The following ADGRF3 variants were observed in gnomAD, a reference collection of about 807,000 sequenced individuals.
ADGRF3 encodes the protein adhesion G protein-coupled receptor F3.
Under a neutral mutation model 93.2 loss-of-function variants are expected in ADGRF3, and 85 were observed. The observed-to-expected ratio is 0.91, with a 90% CI of 0.77 to 1.09. The LOEUF (loss-of-function observed/expected upper bound fraction) is 1.09. Among genes scored for constraint, ADGRF3 ranks in the 50% least tolerant of loss-of-function variants. ADGRF3 has a pLI of 0.00. For synonymous variants in ADGRF3, 534 were observed against 532.5 expected, an observed-to-expected ratio of 1.00 and a Z score of -0.04; for missense variants, 1,125 against 1,246.2, an observed-to-expected ratio of 0.90 and a Z score of 1.46.
chr2:26,326,801 C>G (rs35667676), intron 1 of ADGRF3, among the ~76,000 whole-genome samples: 57,160 of 151,912 alleles, frequency 0.38, 12,028 homozygotes, highest in Non-Finnish European at 0.48. Context: ...GAGATGGAGT[C>G]TCTCTCTGTC....
At position 26,311,644 on chromosome 2, in the gene ADGRF3, C is replaced by T. The variant is rs148160413; in HGVS notation, c.1880G>A (p.Arg627Gln). Residue 627 changes from arginine to glutamine, a missense_variant, in exon 10 of 14, where the codon CGG becomes CAG. Arg to Gln is a conservative substitution (Grantham distance 43, BLOSUM62 1). Transcript: ENST00000651242. ...GATGACCTCTCCCTGGCTGAAGGCCCGGTCACCTGCCATGATGGAAATGAC... is the reference window on the plus strand; with the variant it reads ...GATGACCTCTCCCTGGCTGAAGGCCTGGTCACCTGCCATGATGGAAATGAC... ...VLVISIMAGD[R>Q]AFSQGEVIMD... 1.4e-4 allele frequency: 222 copies of T among 1,613,310 alleles called. No homozygotes were observed. In the African/African-American group the frequency reaches 2.3e-3, roughly 17 times the overall value.
chr2:26,328,770 C>T (rs1675596116), intron 1 of ADGRF3, among the ~76,000 whole-genome samples: 1 of 152,180 alleles, frequency 6.6e-6, no homozygotes, highest in Non-Finnish European at 1.5e-5. Context: ...AGTATTTTAT[C>T]CACAGATCCC....
chr2:26,315,900 T>C (rs1490184232), intron 4 of ADGRF3, 160 bp from the exon 5 acceptor site: 1 of 1,097,542 alleles, frequency 9.1e-7, no homozygotes, highest in Non-Finnish European at 1.3e-6. Context: ...CACCTGAATG[T>C]GGCTGCTGCA....
Position 26,311,189 on chromosome 2 carries a change from G to A in ADGRF3, c.2335C>T (p.Leu779Phe), listed in dbSNP as rs1351882650. ...GTGGCCAGGTAGAGGAAATGACAGA[G>A]GAAGGCGGCAGCAAGGCAGAGCGGG... ...RSPLCLAAAFLCHFLYLATFF... is the reference protein window; with the variant it reads ...RSPLCLAAAFFCHFLYLATFF... Residue 779 changes from leucine (L) to phenylalanine (F), a missense_variant, in exon 10 of 14, where the codon CTC becomes TTC. By Grantham distance (22) the Leu-to-Phe change is conservative. Coordinates refer to ENST00000651242, the MANE Select transcript of ADGRF3 (RefSeq NM_001321971.2). 6.3e-7 allele frequency: 1 copy of A among 1,599,956 alleles called. No individual in the cohort carries two copies. Among genetic ancestry groups the A allele is most frequent in the Admixed American group, 1.8e-5 (1 of 57,138 alleles).
rs1298700170 is a variant in ADGRF3, at chr2:26,311,008, G to A, written c.2516C>T (p.Pro839Leu). ...LAGVTLGLYL[P>L]QGQYLREGEC... is the part of the protein sequence containing the mutation. The stretch of plus-strand genomic sequence containing the variant: ...CCCCTCCCTCAGGTATTGCCCTTGA[G>A]GTAGGTAGAGCCCCAGGGTGACACC... The change falls in exon 10 of 14, where the codon CCT (proline) becomes CTT (leucine). Residue 839 changes from proline (P) to leucine (L), a missense_variant. Transcript: ENST00000651242. The A allele has an allele frequency of 6.2e-7, 1 of 1,612,966 alleles. No homozygotes were observed. The highest frequency in any genetic ancestry group is 2.2e-5 in the East Asian group (1 of 44,808).
At chr2:26,322,067 G>A (rs1675180525) in intron 1 of ADGRF3, among the ~76,000 whole-genome samples, 1 of 151,548 alleles carries the variant, frequency 6.6e-6, no homozygotes, top group Non-Finnish European at 1.5e-5. Flanking sequence ...GGCAGATCAT[G>A]AGGTCAGGAG....
In ADGRF3 at chr2:26,311,713, T is replaced by C. The variant is rs1174215205; in HGVS notation, c.1811A>G (p.Gln604Arg). 4 of 1,613,458 alleles carry C rather than the reference T, an allele frequency of 2.5e-6. No individual in the cohort carries two copies. The highest frequency in any genetic ancestry group is 3.4e-6 in the Non-Finnish European group (4 of 1,179,712). ...LDHLLPSNYG[Q>R]GLGDSLYATP... ...GGCATAGAGGGAATCCCCCAGCCCT[T>C]GTCCATAGTTTGAGGGCAGAAGGTG... Residue 604 changes from glutamine (Q) to arginine (R), a missense_variant, in exon 10 of 14, where the codon CAA becomes CGA. Transcript: ENST00000651242.
chr2:26,335,000 G>A (rs531365514), intron 1 of ADGRF3, among the ~76,000 whole-genome samples: 1 of 152,030 alleles, frequency 6.6e-6, no homozygotes, highest in African/African-American at 2.4e-5. Context: ...CCTCCCTCAC[G>A]ATGTGCTTTT....
chr2:26,342,234 C>T (rs960903528), intron 1 of ADGRF3, among the ~76,000 whole-genome samples: 1 of 152,134 alleles, frequency 6.6e-6, no homozygotes. Flanking sequence ...TATTGTTCCA[C>T]TCTATACAAT....
rs1212161179 is a variant in ADGRF3 at position 26,317,027 on chromosome 2, A to G, written c.210T>C (p.His70=). The change falls in exon 3 of 14, where the codon CAT becomes CAC. Residue 70 remains histidine, a synonymous_variant. Coordinates refer to ENST00000651242, the MANE Select transcript of ADGRF3 (RefSeq NM_001321971.2). ...GESALVSVYV[H]LDFPDKTWPP... is the part of the protein sequence containing the mutation. ...GCCAGGTCTTATCTGGAAAGTCCAG[A>G]TGTACATAGACGGAGACCAGCGCTG... is the stretch of plus-strand genomic sequence containing the variant. The G allele has an allele frequency of 3.1e-6, 5 of 1,612,684 alleles. No individual in the cohort carries two copies. Among genetic ancestry groups the G allele is most frequent in the Non-Finnish European group, 3.4e-6 (4 of 1,179,458 alleles).
At chr2:26,323,459 G>A (rs2147898730) in intron 1 of ADGRF3, among the ~76,000 whole-genome samples, 1 of 152,232 alleles carries the variant, frequency 6.6e-6, no homozygotes, top group South Asian at 2.1e-4. Flanking sequence ...AGTAAGCAGT[G>A]CTCCCTTATT....
At position 26,310,914 on chromosome 2, in the gene ADGRF3, G is replaced by T; in HGVS notation, c.2610C>A (p.Gly870=). 1 of 1,612,902 alleles carries T rather than the reference G, an allele frequency of 6.2e-7. No individual in the cohort carries two copies. Among genetic ancestry groups the T allele is most frequent in the South Asian group, 1.1e-5 (1 of 90,946 alleles). The change falls in exon 10 of 14, where the codon GGC becomes GGA. Residue 870 remains glycine (G), a synonymous_variant. Transcript: ENST00000651242. ...TFVGPVLAII[G]VNGLVLAMAM... ...CCATGGCTAGTACCAGCCCATTCAC[G>T]CCTATGATGGCCAGCACTGGCCCCA... is the stretch of plus-strand genomic sequence containing the variant.
At chr2:26,316,616 AGGAC>A (rs1353973454) in intron 3 of ADGRF3, among the ~76,000 whole-genome samples, 168 bp from the exon 4 acceptor site, 1 of 152,032 alleles carries the variant, frequency 6.6e-6, no homozygotes, top group Non-Finnish European at 1.5e-5. Context: ...CTCCTCAGTC[AGGAC>A]TCGAAGCAGC....
chr2:26,330,990 C>T (rs551303486), intron 1 of ADGRF3, among the ~76,000 whole-genome samples: 21 of 152,250 alleles, frequency 1.4e-4, no homozygotes, highest in African/African-American at 4.6e-4. Context: ...TGGGCCCCTG[C>T]GTCTCACAAT....
rs1234696157 is a variant in ADGRF3 at position 26,314,462 on chromosome 2, T to C, written c.880A>G (p.Thr294Ala). The C allele has an allele frequency of 1.9e-6, 3 of 1,614,010 alleles. No homozygotes were observed. The highest frequency in any genetic ancestry group is 2.5e-6 in the Non-Finnish European group (3 of 1,179,886). The change falls in exon 6 of 14, where the codon ACA (threonine) becomes GCA (alanine). Residue 294 changes from threonine to alanine, a missense_variant. Physicochemically the swap from Thr to Ala is moderately conservative, Grantham distance 58. Transcript: ENST00000651242. ...CAGGCCGCGGTGTAGGCCAGGTTTGTGCTGGGGATGCAGCAGCTCAGCTGG... is the reference window on the plus strand; with the variant it reads ...CAGGCCGCGGTGTAGGCCAGGTTTGCGCTGGGGATGCAGCAGCTCAGCTGG... ...GFQLSCCIPS[T>A]NLAYTAAWSP...
In ADGRF3 at chr2:26,346,609, C is replaced by T. The variant is rs1174642605; in HGVS notation, c.-375G>A. 2 of 223,306 alleles carry T rather than the reference C, an allele frequency of 9.0e-6. No individual in the cohort carries two copies. Among genetic ancestry groups the T allele is most frequent in the African/African-American group, 4.6e-5 (2 of 43,174 alleles). 13.8% of individuals were successfully genotyped at this position (223,306 alleles called of 1,614,324 possible). Reference sequence around the variant, plus strand: ...GTAAGCCCCCGAAAGGATGGAGTTCCTTCTGTTGTGTCAATCGCCTTCATT... The same window carrying T: ...GTAAGCCCCCGAAAGGATGGAGTTCTTTCTGTTGTGTCAATCGCCTTCATT... On this transcript the variant is annotated 5_prime_UTR_variant, in exon 1 of 14. Coordinates refer to ENST00000651242, the MANE Select transcript of ADGRF3 (RefSeq NM_001321971.2).
intron 1 of ADGRF3, among the ~76,000 whole-genome samples, chr2:26,321,048 T>C (rs1675118149): frequency 6.6e-6 from 1 of 152,188 alleles, no homozygotes; most frequent in Non-Finnish European, 1.5e-5. Context: ...ATATAGTTTT[T>C]CTAATCATAG....
chr2:26,309,580 G>T lies in ADGRF3; in HGVS notation c.2939C>A (p.Ala980Asp). 1 of 1,612,330 alleles carries T rather than the reference G, an allele frequency of 6.2e-7. No homozygotes were observed. Among genetic ancestry groups the T allele is most frequent in the Non-Finnish European group, 8.5e-7 (1 of 1,179,424 alleles). Residue 980 changes from alanine to aspartate, a missense_variant and splice_region_variant, in exon 13 of 14, where the codon GCC becomes GAC. By Grantham distance (126) the Ala-to-Asp change is moderately radical. Coordinates refer to ENST00000651242, the MANE Select transcript of ADGRF3 (RefSeq NM_001321971.2). ...TTCCAAGATGCAGCCTTCATTTGTG[G>T]CCTAGGAAGGGGTGGGAAGGCCCAA... ...AQAPSSTISL[A>D]TNEGCILEHS...
intron 1 of ADGRF3, among the ~76,000 whole-genome samples, chr2:26,341,923 A>G (rs1369748009): frequency 1.3e-5 from 2 of 151,998 alleles, no homozygotes; most frequent in South Asian, 2.1e-4. Context: ...AATACAAAAA[A>G]TTAGCCGGGC....
Sources: gnomAD v4.1 joint callset for allele counts (sites outside exome capture counted in the v4.1 genomes callset) on GRCh38, gnomAD v4.1.1 for gene constraint, MANE v1.5 for transcripts, NCBI Gene and HGNC (gene_info 2026-07-23, HGNC 2026-07-21) for gene names.